The following HUNK variants were observed in gnomAD, a reference collection of about 807,000 sequenced individuals.
The protein encoded by HUNK is hormonally up-regulated Neu-associated kinase, also known as hormonally up-regulated neu tumor-associated kinase.
A neutral mutation model predicts 61.0 loss-of-function variants in HUNK; 21 were observed. The ratio of observed to expected loss-of-function variants is 0.34; its 90% CI spans 0.24 to 0.50. The LOEUF is 0.50. Ranked by LOEUF, HUNK falls within the 20% of genes least tolerant of loss-of-function variation. HUNK has a pLI of 0.98. For missense variants in HUNK, 772 were observed against 945.7 expected, an observed-to-expected ratio of 0.82 and a Z score of 2.41; for synonymous variants, 371 against 386.1, an observed-to-expected ratio of 0.96 and a Z score of 0.46.
At chr21:31,935,683 CT>C (rs2052728748) in intron 2 of HUNK, among the ~76,000 whole-genome samples, 1 of 152,184 alleles carries the variant, frequency 6.6e-6, no homozygotes, top group African/African-American at 2.4e-5. Context: ...TTCTGACTAG[CT>C]TCTTTCAATT....
intron 7 of HUNK, among the ~76,000 whole-genome samples, chr21:31,975,364 T>G (rs2053041409): frequency 6.6e-6 from 1 of 152,170 alleles, no homozygotes; most frequent in South Asian, 2.1e-4. Context: ...GTAAGAGAAT[T>G]TATGTGCCTT....
At chr21:31,959,174 C>G (rs2052910646) in intron 5 of HUNK, among the ~76,000 whole-genome samples, 1 of 152,182 alleles carries the variant, frequency 6.6e-6, no homozygotes, top group African/African-American at 2.4e-5. Flanking sequence ...CACCTGTATC[C>G]TTTCCTGTTC....
At chr21:31,948,098 C>T (rs892888944) in intron 4 of HUNK, among the ~76,000 whole-genome samples, 2 of 152,198 alleles carry the variant, frequency 1.3e-5, no homozygotes, top group Non-Finnish European at 2.9e-5. Flanking sequence ...TAAAATCGCC[C>T]AAGGTCATAG....
rs1350216662 is a variant in HUNK, at chr21:31,911,820, G to A, written c.262-12648G>A. The stretch of plus-strand genomic sequence containing the variant: ...CCTGCTGTAATGCTGCGCCTGTGAG[G>A]TCTCCCCACCACCCCTTCTCCCCAT... On this transcript the variant is annotated intron_variant, in intron 1 of 10. Transcript: ENST00000270112. 3.9e-5 allele frequency among the ~76,000 whole-genome samples: 6 copies of A among 152,078 alleles called. No individual in the cohort carries two copies. The East Asian group carries it at 1.2e-3, about 30-fold the overall frequency.
intron 2 of HUNK, 126 bp from the exon 3 acceptor site, chr21:31,940,039 T>C: frequency 1.5e-6 from 1 of 666,198 alleles, no homozygotes; most frequent in South Asian, 1.8e-5. Context: ...GATTGAGTTT[T>C]GGCAGAAAGC....
At chr21:31,880,363 T>G (rs2052297389) in intron 1 of HUNK, among the ~76,000 whole-genome samples, 1 of 152,210 alleles carries the variant, frequency 6.6e-6, no homozygotes, top group South Asian at 2.1e-4. Flanking sequence ...AAATTTATTC[T>G]GTCACAGTTC....
intron 8 of HUNK, among the ~76,000 whole-genome samples, chr21:31,989,712 TCAAAA>T (rs2053158461): frequency 2.5e-5 from 1 of 40,668 alleles, no homozygotes; most frequent in African/African-American, 9.3e-5. Context: ...AGACTCGGTC[TCAAAA>T]AAAAAAAAAA....
At position 31,951,483 on chromosome 21, in the gene HUNK, G is replaced by C. The variant is rs9984603; in HGVS notation, c.746+5312G>C. Among the ~76,000 whole-genome samples, 731 of 152,210 alleles carry C rather than the reference G, an allele frequency of 4.8e-3. 6 individuals are homozygous for C. Among genetic ancestry groups the C allele is most frequent in the African/African-American group, 0.017 (692 of 41,534 alleles). On this transcript the variant is annotated intron_variant, in intron 4 of 10. Transcript: ENST00000270112. ...AAACAGAAATTGAGAGTTCTATACC[G>C]AGAAGATTGAGAATGCAACGTTGTT...
chr21:31,993,815 T>G (rs2053186211), intron 9 of HUNK, among the ~76,000 whole-genome samples: 1 of 152,130 alleles, frequency 6.6e-6, no homozygotes, highest in South Asian at 2.1e-4. Context: ...CACGTTCCCC[T>G]TCATGGCATC....
chr21:31,933,667 C>T (rs888265998), intron 2 of HUNK, among the ~76,000 whole-genome samples: 1 of 152,008 alleles, frequency 6.6e-6, no homozygotes, highest in Non-Finnish European at 1.5e-5. Context: ...TGCCTGTAAT[C>T]CCAGCTACTC....
In HUNK at chr21:31,874,040, C is replaced by T. The variant is rs2052238188; in HGVS notation, c.261+105C>T. 1.2e-5 allele frequency: 10 copies of T among 847,516 alleles called. No homozygotes were observed. In the East Asian group the frequency reaches 1.7e-4, roughly 14 times the overall value. The allele number at this position is 847,516 out of a possible 1,614,324, so 52.5% of individuals were successfully genotyped here. A position where few individuals can be genotyped will look rare whatever the true frequency, so the allele number is the denominator to read the frequency against. On this transcript the variant is annotated intron_variant, in intron 1 of 10. Transcript: ENST00000270112. ...GGAGTCCCAGTGTGCAGTCCCGGGC[C>T]AAGCGCCTTCCCCCTCCGCCCGGCT...
At chr21:31,925,725 C>T (rs2052655060) in intron 2 of HUNK, among the ~76,000 whole-genome samples, 1 of 152,158 alleles carries the variant, frequency 6.6e-6, no homozygotes, top group South Asian at 2.1e-4. Context: ...TGAATGGAAA[C>T]AGCGTTCTTG....
chr21:31,908,743 G>C (rs751891949), intron 1 of HUNK, among the ~76,000 whole-genome samples: 9 of 152,088 alleles, frequency 5.9e-5, no homozygotes, highest in Non-Finnish European at 1.0e-4. Flanking sequence ...GTCATTTGAG[G>C]CTTCCTCTCT....
chr21:31,974,714 A>G lies in HUNK; in HGVS notation c.1170A>G (p.Ser390=), dbSNP rs960792228. 4 of 1,612,962 alleles carry G rather than the reference A, an allele frequency of 2.5e-6. No individual in the cohort carries two copies. The highest frequency in any genetic ancestry group is 1.3e-5 in the African/African-American group (1 of 74,850). ...ACAAGAAACTGGAGCGCTATTTGTC[A>G]GGGGTAAGTGCGACCCTAGAGGCGA... ...LLNKKLERYL[S]GKSDIQDSLC... The change falls in exon 7 of 11, where the codon TCA becomes TCG. Residue 390 remains serine (S), a synonymous_variant. Coordinates refer to ENST00000270112, the MANE Select transcript of HUNK (RefSeq NM_014586.2).
chr21:31,904,073 G>A (rs1290946438), intron 1 of HUNK, among the ~76,000 whole-genome samples: 1 of 151,516 alleles, frequency 6.6e-6, no homozygotes, highest in Admixed American at 6.6e-5. Flanking sequence ...CTTCATGGAG[G>A]TATTTTGAGT....
At chr21:31,932,795 G>A (rs73191265) in intron 2 of HUNK, among the ~76,000 whole-genome samples, 8,059 of 151,878 alleles carry the variant, frequency 0.053, 267 homozygotes, top group South Asian at 0.066. Flanking sequence ...CTGCTTCACC[G>A]TGGCTTCTGG....
At chr21:31,903,943 T>C (rs2052487446) in intron 1 of HUNK, among the ~76,000 whole-genome samples, 1 of 152,210 alleles carries the variant, frequency 6.6e-6, no homozygotes, top group Non-Finnish European at 1.5e-5. Context: ...ATGATGTTAC[T>C]CTTCAGTCGT....
At chr21:31,893,340 A>T (rs1336044125) in intron 1 of HUNK, among the ~76,000 whole-genome samples, 1 of 152,200 alleles carries the variant, frequency 6.6e-6, no homozygotes, top group Non-Finnish European at 1.5e-5. Flanking sequence ...TACCTGGAGC[A>T]ACTCTTTTCC....
At chr21:31,897,165 G>A (rs1228526000) in intron 1 of HUNK, among the ~76,000 whole-genome samples, 1 of 152,162 alleles carries the variant, frequency 6.6e-6, no homozygotes, top group Non-Finnish European at 1.5e-5. Flanking sequence ...AGGATCGCTT[G>A]AGCCTAGGAG....
Sources: allele counts gnomAD v4.1 joint callset (sites outside exome capture counted in the v4.1 genomes callset), GRCh38; gene constraint gnomAD v4.1.1; transcripts MANE v1.5; gene names NCBI Gene and HGNC (gene_info 2026-07-23, HGNC 2026-07-21).